Variants in PPP2R3B observed in about 807,000 individuals in gnomAD.
The protein encoded by PPP2R3B is serine/threonine-protein phosphatase 2A regulatory subunit B'' subunit beta.
PPP2R3B carries 68 observed loss-of-function variants against 72.9 expected under a neutral mutation model. The observed-to-expected ratio is 0.93, with a 90% CI of 0.77 to 1.14. PPP2R3B has a LOEUF of 1.14. Ranked by LOEUF, PPP2R3B falls within the 50% of genes most tolerant of loss-of-function variation. PPP2R3B has a pLI of 0.00. For synonymous variants in PPP2R3B, 466 were observed against 375.8 expected (o/e 1.24, Z -2.78); for missense variants, 1,018 against 842.0 (o/e 1.21, Z -2.59).
intron 9 of PPP2R3B, 144 bp from the exon 10 acceptor site, chrX:341,084 C>A: frequency 1.6e-6 from 2 of 1,261,200 alleles, no homozygotes; most frequent in South Asian, 1.4e-5. Flanking sequence ...TCCCCTGCCC[C>A]CTGCCGCCCC....
At chrX:371,520 G>C (rs2071863547) in intron 1 of PPP2R3B, among the ~76,000 whole-genome samples, 1 of 152,080 alleles carries the variant, frequency 6.6e-6, no homozygotes, top group South Asian at 2.1e-4. Context: ...GCCCAGGTGG[G>C]ACGTCGCACA....
At chrX:341,981 A>G (rs780287348) in intron 7 of PPP2R3B, 50 bp from the exon 8 acceptor site, 1 of 1,603,544 alleles carries the variant, frequency 6.2e-7, no homozygotes, top group East Asian at 2.2e-5. Context: ...CTCGGCCCCG[A>G]CGTCACCACC....
rs1240731059 is a variant in PPP2R3B, at chrX:386,741, CCCGGG to C, written c.-55_-51del. 4 of 1,164,216 alleles carry C rather than the reference CCCGGG, an allele frequency of 3.4e-6. No individual in the cohort carries two copies. The highest frequency in any genetic ancestry group is 4.3e-6 in the Non-Finnish European group (4 of 939,238). The allele number at this position is 1,164,216 out of a possible 1,614,324, so 72.1% of individuals were successfully genotyped here. ...CCCGGACGCCCGCGCCCCGCCCCGC[CCCGGG>C]GGCTTCGGTCCGCCCCGGACCGACC... is the stretch of plus-strand genomic sequence containing the variant. On this transcript the variant is annotated 5_prime_UTR_variant, in exon 1 of 13. Coordinates refer to ENST00000390665, the MANE Select transcript of PPP2R3B (RefSeq NM_013239.5).
chrX:334,018 T>C lies in PPP2R3B; in HGVS notation c.*349A>G, dbSNP rs1284185795. 4.2e-6 allele frequency: 1 copy of C among 235,736 alleles called. No homozygotes were observed. The highest frequency in any genetic ancestry group is 8.4e-5 in the East Asian group (1 of 11,928). The allele number at this position is 235,736 out of a possible 1,614,324, so 14.6% of individuals were successfully genotyped here. On this transcript the variant is annotated 3_prime_UTR_variant, in exon 13 of 13. Transcript: ENST00000390665. ...ACACAGCCTGTGGTGGAGGCTCCTGTCCAGGACTGAGGCGCCCGGGAGCCG... is the reference window on the plus strand; with the variant it reads ...ACACAGCCTGTGGTGGAGGCTCCTGCCCAGGACTGAGGCGCCCGGGAGCCG...
At chrX:342,004 G>A (rs1344473894) in intron 7 of PPP2R3B, 73 bp from the exon 8 acceptor site, 17 of 1,579,952 alleles carry the variant, frequency 1.1e-5, no homozygotes, top group Non-Finnish European at 1.2e-5. Flanking sequence ...CCGGAGCCGA[G>A]ACTGGATGCG....
At chrX:341,739 A>T in intron 8 of PPP2R3B, 144 bp downstream of exon 8, 1 of 894,454 alleles carries the variant, frequency 1.1e-6, no homozygotes, top group Non-Finnish European at 1.9e-6. Flanking sequence ...CACGTGACAG[A>T]GACACGTGCC....
chrX:337,776 C>T (rs2070930684), intron 12 of PPP2R3B: 1 of 152,328 alleles, frequency 6.6e-6, no homozygotes, highest in African/African-American at 2.4e-5. Context: ...GGAACGGAGC[C>T]CGCACACGGC....
intron 1 of PPP2R3B, among the ~76,000 whole-genome samples, chrX:361,837 C>T (rs1272772921): frequency 2.6e-5 from 4 of 152,166 alleles, no homozygotes; most frequent in Non-Finnish European, 5.9e-5. Flanking sequence ...CGCCACTGAG[C>T]CCCCATCACA....
At position 379,143 on chromosome X, in the gene PPP2R3B, GTATGCACCTATGTGTGCATGTACC is replaced by G. The variant is rs1168758127; in HGVS notation, c.324+7201_324+7224del. ...CCTGTGTGTATGCACCTATGTGTGT[GTATGCACCTATGTGTGCATGTACC>G]TGTGTGTATGGACCTATGTATGTGT... On this transcript the variant is annotated intron_variant, in intron 1 of 12. Coordinates refer to ENST00000390665, the MANE Select transcript of PPP2R3B (RefSeq NM_013239.5). Among the ~76,000 whole-genome samples the G allele has an allele frequency of 6.6e-5, 10 of 151,418 alleles. No homozygotes were observed. In the East Asian group the frequency reaches 2.0e-3, roughly 30 times the overall value.
intron 5 of PPP2R3B, 194 bp from the exon 6 acceptor site, chrX:346,454 CG>C: frequency 1.6e-6 from 1 of 639,740 alleles, no homozygotes. Flanking sequence ...AGGGTCTGGC[CG>C]GGGACGCCCC....
chrX:384,877 C>T (rs770449795), intron 1 of PPP2R3B, among the ~76,000 whole-genome samples: 3 of 143,990 alleles, frequency 2.1e-5, no homozygotes, highest in East Asian at 2.2e-4. Context: ...CACAGCTACT[C>T]GGGAGGCTGA....
intron 2 of PPP2R3B, among the ~76,000 whole-genome samples, chrX:350,636 A>G (rs2738408): frequency 0.83 from 127,002 of 152,190 alleles, 53,252 homozygotes; most frequent in African/African-American, 0.92. Context: ...CAGGGTTCAC[A>G]GGGCATGGAG....
At chrX:356,994 C>T (rs1352063789) in intron 2 of PPP2R3B, among the ~76,000 whole-genome samples, 3 of 139,802 alleles carry the variant, frequency 2.1e-5, no homozygotes, top group East Asian at 2.3e-4. Flanking sequence ...ACACACATAG[C>T]GAAACATCTT....
In PPP2R3B at chrX:355,733, C is replaced by T. The variant is rs917962838; in HGVS notation, c.510+5672G>A. Among the ~76,000 whole-genome samples, 6 of 152,142 alleles carry T rather than the reference C, an allele frequency of 3.9e-5. No individual in the cohort carries two copies. The East Asian group carries it at 5.8e-4, about 15-fold the overall frequency. Reference sequence around the variant, plus strand: ...CATAATAAAAAAAAGTGCCTGCTGTCTGATTCTGTTTACATAAAATTCCAG... The same window carrying T: ...CATAATAAAAAAAAGTGCCTGCTGTTTGATTCTGTTTACATAAAATTCCAG... On this transcript the variant is annotated intron_variant, in intron 2 of 12. Coordinates refer to ENST00000390665, the MANE Select transcript of PPP2R3B (RefSeq NM_013239.5).
chrX:346,390 G>A (rs1419864931), intron 5 of PPP2R3B, 130 bp from the exon 6 acceptor site: 2 of 909,030 alleles, frequency 2.2e-6, no homozygotes, highest in Non-Finnish European at 3.3e-6. Context: ...GCACAGGCGG[G>A]GGCAGAGGGA....
intron 1 of PPP2R3B, among the ~76,000 whole-genome samples, chrX:382,356 C>T (rs1391591976): frequency 6.6e-6 from 1 of 151,940 alleles, no homozygotes; most frequent in Non-Finnish European, 1.5e-5. Flanking sequence ...CACCACCACA[C>T]CCAGCTAATT....
At chrX:346,455 G>A (rs996634906) in intron 5 of PPP2R3B, 195 bp from the exon 6 acceptor site, 35 of 640,482 alleles carry the variant, frequency 5.5e-5, no homozygotes, top group Non-Finnish European at 7.3e-5. Flanking sequence ...GGGTCTGGCC[G>A]GGGACGCCCC....
intron 10 of PPP2R3B, among the ~76,000 whole-genome samples, chrX:339,321 A>G (rs1248585767): frequency 2.1e-5 from 3 of 141,152 alleles, no homozygotes; most frequent in Non-Finnish European, 4.6e-5. Flanking sequence ...AGCCATTTCC[A>G]AAGTGAAAGT....
Position 334,307 on chromosome X carries a change from G to T in PPP2R3B, c.*60C>A. The T allele has an allele frequency of 7.0e-7, 1 of 1,419,982 alleles. No homozygotes were observed. The highest frequency in any genetic ancestry group is 9.2e-7 in the Non-Finnish European group (1 of 1,089,198). 88.0% of individuals were successfully genotyped at this position (1,419,982 alleles called of 1,614,324 possible). A position where few individuals can be genotyped will look rare whatever the true frequency, so the allele number is the denominator to read the frequency against. On this transcript the variant is annotated 3_prime_UTR_variant, in exon 13 of 13. Coordinates refer to ENST00000390665, the MANE Select transcript of PPP2R3B (RefSeq NM_013239.5). ...TTCCACAACAGTTTTTACACGAGCC[G>T]CGGTGGCCCGGTGGTGGCACGTGGG... is the stretch of plus-strand genomic sequence containing the variant.
Sources: allele counts gnomAD v4.1 joint callset (sites outside exome capture counted in the v4.1 genomes callset), GRCh38; gene constraint gnomAD v4.1.1; transcripts MANE v1.5; gene names NCBI Gene and HGNC (gene_info 2026-07-23, HGNC 2026-07-21).